The following TJP2 variants were observed in gnomAD, a reference collection of about 807,000 sequenced individuals.
TJP2 encodes Friedreich ataxia region gene X104 (tight junction protein ZO-2).
Under a neutral mutation model 133.1 loss-of-function variants are expected in TJP2, and 91 were observed. The observed-to-expected ratio is 0.68, with a 90% CI of 0.58 to 0.81. The LOEUF is 0.81. Among genes scored for constraint, TJP2 ranks in the 40% least tolerant of loss-of-function variants. The pLI is 0.00. For missense variants in TJP2, 1,541 were observed against 1,565.6 expected (o/e 0.98, Z 0.26); for synonymous variants, 592 against 583.4 (o/e 1.01, Z -0.21).
At chr9:69,227,028 G>C (rs1329209689) in intron 7 of TJP2, among the ~76,000 whole-genome samples, 3 of 152,060 alleles carry the variant, frequency 2.0e-5, no homozygotes, top group African/African-American at 7.2e-5. Flanking sequence ...AATAAAAATA[G>C]TTAATCACAG....
chr9:69,250,732 A>G (rs1302214274), intron 20 of TJP2, among the ~76,000 whole-genome samples: 1 of 152,122 alleles, frequency 6.6e-6, no homozygotes, highest in Non-Finnish European at 1.5e-5. Context: ...CAAGATGCTG[A>G]TCTCCTCTAG....
chr9:69,196,330 T>A (rs884429), intron 1 of TJP2, among the ~76,000 whole-genome samples: 57,737 of 152,166 alleles, frequency 0.38, 11,227 homozygotes, highest in South Asian at 0.44. Context: ...TTCAGTGTCC[T>A]TTCTGTAAAA....
At chr9:69,232,683 A>G (rs1042751828) in intron 11 of TJP2, among the ~76,000 whole-genome samples, 2 of 152,210 alleles carry the variant, frequency 1.3e-5, no homozygotes, top group African/African-American at 4.8e-5. Context: ...TAATGGAGAT[A>G]TATGTGCTTT....
intron 4 of TJP2, among the ~76,000 whole-genome samples, chr9:69,220,582 T>C (rs762829695): frequency 2.0e-5 from 3 of 152,308 alleles, no homozygotes; most frequent in Admixed American, 1.3e-4. Flanking sequence ...GGATTTTTGT[T>C]TTTTGAGTTT....
Position 69,211,811 on chromosome 9 carries a change from G to T in TJP2, c.61-737G>T, listed in dbSNP as rs1174444727. 2.0e-5 allele frequency among the ~76,000 whole-genome samples: 3 copies of T among 152,076 alleles called. No homozygotes were observed. The East Asian group carries it at 5.8e-4, about 29-fold the overall frequency. On this transcript the variant is annotated intron_variant, in intron 1 of 22. Coordinates refer to ENST00000377245, the MANE Select transcript of TJP2 (RefSeq NM_004817.4). ...TTTTTTCCCCTAATAGATCCACCCAGACCTGATCTCCCACCCTGTTTGGAT... is the reference window on the plus strand; with the variant it reads ...TTTTTTCCCCTAATAGATCCACCCATACCTGATCTCCCACCCTGTTTGGAT...
At chr9:69,182,622 A>G (rs764234961) in intron 1 of TJP2, among the ~76,000 whole-genome samples, 2 of 152,108 alleles carry the variant, frequency 1.3e-5, no homozygotes, top group Non-Finnish European at 1.5e-5. Flanking sequence ...TTTGCCTGGT[A>G]TGTTTCCATG....
chr9:69,177,150 A>G (rs1374772854), intron 1 of TJP2, among the ~76,000 whole-genome samples: 1 of 152,212 alleles, frequency 6.6e-6, no homozygotes, highest in East Asian at 1.9e-4. Context: ...AACATGCCTC[A>G]TTGATTTGAC....
chr9:69,128,655 T>C (rs1435751769), intron 1 of TJP2, among the ~76,000 whole-genome samples: 1 of 151,986 alleles, frequency 6.6e-6, no homozygotes, highest in African/African-American at 2.4e-5. Flanking sequence ...CCCGAGTAGC[T>C]GGGACTACAG....
upstream of TJP2, chr9:69,121,450 A>G (rs1822135303): frequency 1.5e-6 from 1 of 655,382 alleles, no homozygotes; most frequent in Non-Finnish European, 1.8e-6. Flanking sequence ...CCCACCCTGG[A>G]TTTTTTTTCC....
intron 4 of TJP2, among the ~76,000 whole-genome samples, chr9:69,219,591 T>C (rs1828652352): frequency 6.6e-6 from 1 of 152,200 alleles, no homozygotes; most frequent in South Asian, 2.1e-4. Context: ...TATCTCAAGA[T>C]GTCTTTTTCA....
chr9:69,143,178 A>C (rs1823078361), intron 1 of TJP2, among the ~76,000 whole-genome samples: 1 of 152,256 alleles, frequency 6.6e-6, no homozygotes, highest in Non-Finnish European at 1.5e-5. Context: ...TTTTATGTGA[A>C]ATCATCATAG....
In TJP2 at chr9:69,236,961, G is replaced by A. The variant is rs34774441; in HGVS notation, c.2004G>A (p.Met668Ile). 0.059 allele frequency: 95,613 copies of A among 1,614,088 alleles called. 3,222 individuals carry two copies. The highest frequency in any genetic ancestry group is 0.11 in the Middle Eastern group (693 of 6,060). ...GGTTTCTTCTCAGAGCTGAACAAAT[G>A]GCCAGTGTTCAAAATGCCCAGAGAG... The part of the protein sequence containing the change: ...LIPNKSRAEQ[M>I]ASVQNAQRDN... Residue 668 changes from methionine (M) to isoleucine (I), a missense_variant, in exon 14 of 23, where the codon ATG becomes ATA. Transcript: ENST00000377245.
At chr9:69,224,807 C>G (rs1354314261) in intron 5 of TJP2, among the ~76,000 whole-genome samples, 1 of 151,894 alleles carries the variant, frequency 6.6e-6, no homozygotes, top group Non-Finnish European at 1.5e-5. Context: ...TCCTTCTACT[C>G]CATCACCCTT....
intron 11 of TJP2, among the ~76,000 whole-genome samples, chr9:69,231,006 G>GT (rs1371309502): frequency 6.6e-6 from 1 of 152,118 alleles, no homozygotes; most frequent in African/African-American, 2.4e-5. Context: ...TGACATTTGT[G>GT]TATGTGTGTG....
chr9:69,158,210 C>T (rs1823872536), intron 2 of TJP2, among the ~76,000 whole-genome samples: 1 of 151,570 alleles, frequency 6.6e-6, no homozygotes, highest in Admixed American at 6.6e-5. Flanking sequence ...TCCCAGCTAT[C>T]CCAGCTACTC....
chr9:69,240,863 T>G (rs768514506), intron 17 of TJP2, among the ~76,000 whole-genome samples: 35 of 152,180 alleles, frequency 2.3e-4, no homozygotes, highest in Non-Finnish European at 5.0e-4. Flanking sequence ...ATTTAAAGAT[T>G]TATTATTTCT....
Position 69,236,093 on chromosome 9 carries a change from G to A in TJP2, c.1846G>A (p.Glu616Lys). The A allele has an allele frequency of 1.2e-6, 2 of 1,614,170 alleles. No homozygotes were observed. Among genetic ancestry groups the A allele is most frequent in the Non-Finnish European group, 1.7e-6 (2 of 1,180,030 alleles). The part of the protein sequence containing the change: ...SFFIRSHFEC[E>K]KETPQSLAFT... ...TTTTATAAGAAGCCACTTTGAATGTGAGAAGGAAACTCCACAGAGCCTGGC... is the reference window on the plus strand; with the variant it reads ...TTTTATAAGAAGCCACTTTGAATGTAAGAAGGAAACTCCACAGAGCCTGGC... Residue 616 changes from glutamate (E) to lysine (K), a missense_variant, in exon 13 of 23, where the codon GAG becomes AAG. Coordinates refer to ENST00000377245, the MANE Select transcript of TJP2 (RefSeq NM_004817.4).
In TJP2 at chr9:69,126,121, A is replaced by T. The variant is rs1337254244; in HGVS notation, c.-131+4396A>T. Among the ~76,000 whole-genome samples the T allele has an allele frequency of 4.0e-5, 3 of 74,854 alleles. 1 individual carries two copies. The highest frequency in any genetic ancestry group is 9.2e-5 in the Non-Finnish European group (3 of 32,762). The allele number at this position is 74,854 out of a possible 152,430, so 49.1% of individuals were successfully genotyped here. ...TAGAATAAGAAATTCCTACCTACTC[A>T]CTCCCCTTCACCTCCAGCAGTTATA... is the stretch of plus-strand genomic sequence containing the variant. On this transcript the variant is annotated intron_variant, in intron 1 of 5. Coordinates refer to the TJP2 transcript ENST00000423935.
chr9:69,164,928 C>G (rs1312010221), intron 2 of TJP2, among the ~76,000 whole-genome samples: 2 of 152,132 alleles, frequency 1.3e-5, no homozygotes, highest in Non-Finnish European at 2.9e-5. Flanking sequence ...CTCCCAGGTT[C>G]AAGCGATTCT....
Sources: gnomAD v4.1 joint callset for allele counts (sites outside exome capture counted in the v4.1 genomes callset) on GRCh38, gnomAD v4.1.1 for gene constraint, MANE v1.5 for transcripts, NCBI Gene and HGNC (gene_info 2026-07-23, HGNC 2026-07-21) for gene names.